The following CLPTM1 variants were observed in gnomAD, a reference collection of about 807,000 sequenced individuals.
The protein encoded by CLPTM1 is putative lipid scramblase CLPTM1.
A neutral mutation model predicts 77.3 loss-of-function variants in CLPTM1; 21 were observed. That is an observed-to-expected ratio of 0.27 (90% CI 0.19 to 0.39). The LOEUF (loss-of-function observed/expected upper bound fraction) is 0.39, where lower values mean the gene tolerates loss of function less well. CLPTM1 is among the 10% of genes least tolerant of loss of function. CLPTM1 has a pLI of 1.00. For synonymous variants in CLPTM1, 373 were observed against 381.0 expected (o/e 0.98, Z 0.24); for missense variants, 642 against 921.2 (o/e 0.70, Z 3.92).
At chr19:44,987,863 C>T (rs975288109) in intron 8 of CLPTM1, 4 of 601,446 alleles carry the variant, frequency 6.7e-6, no homozygotes, top group African/African-American at 5.6e-5. Flanking sequence ...ACTCCCTTGG[C>T]CTCTGCCTCT....
rs776982525 is a variant in CLPTM1 at position 44,991,373 on chromosome 19, G to A, written c.1555G>A (p.Gly519Ser). The change falls in exon 12 of 14, where the codon GGC becomes AGC. Residue 519 changes from glycine to serine, a missense_variant and splice_region_variant. Physicochemically the swap from Gly to Ser is moderately conservative, Grantham distance 56 (BLOSUM62 0). This residue lies in a region of CLPTM1 where 521 missense variants were observed against 800.4 expected (regional missense o/e 0.65). Coordinates refer to ENST00000337392, the MANE Select transcript of CLPTM1 (RefSeq NM_001294.4). The surrounding 1 kb of genome is among the most constrained non-coding windows in gnomAD (Gnocchi z 5.4). The stretch of plus-strand genomic sequence containing the variant: ...GCTCTACGGCTTCCTGCTGACCTTC[G>A]GTGAGCGGTCCGGCCGCCCCAGGAG... ...SMLYGFLLTF[G>S]FITMTPQLFI... 92 of 1,611,526 alleles carry A rather than the reference G, an allele frequency of 5.7e-5. No individual in the cohort carries two copies. Among genetic ancestry groups the A allele is most frequent in the Middle Eastern group, 1.7e-4 (1 of 5,808 alleles).
In CLPTM1 at chr19:44,987,286, C is replaced by T. The variant is rs767587118; in HGVS notation, c.901C>T (p.Leu301=). The change falls in exon 8 of 14, where the codon CTG becomes TTG. Residue 301 remains leucine, a synonymous_variant. Coordinates refer to ENST00000337392, the MANE Select transcript of CLPTM1 (RefSeq NM_001294.4). ...CCCCATCAACGAGAGCCTGGCCAGC[C>T]TGCCGCTCCGCGTCTCCTTCTGCCC... is the stretch of plus-strand genomic sequence containing the variant. The part of the protein sequence containing the change: ...YYPINESLAS[L]PLRVSFCPLS... 5 of 1,614,288 alleles carry T rather than the reference C, an allele frequency of 3.1e-6. No homozygotes were observed. Among genetic ancestry groups the T allele is most frequent in the Middle Eastern group, 1.6e-4 (1 of 6,062 alleles).
At chr19:44,976,156 G>C (rs924483158) in intron 4 of CLPTM1, among the ~76,000 whole-genome samples, 1 of 152,114 alleles carries the variant, frequency 6.6e-6, no homozygotes, top group Non-Finnish European at 1.5e-5. Context: ...CACCTGGCTG[G>C]ACTTTCTGAC....
intron 5 of CLPTM1, among the ~76,000 whole-genome samples, chr19:44,978,005 G>T (rs1014194079): frequency 6.6e-6 from 1 of 152,178 alleles, no homozygotes; most frequent in Non-Finnish European, 1.5e-5. Context: ...AGCTGCTCAG[G>T]AGGCTGAGGT....
chr19:44,961,736 A>G (rs1970546458), intron 1 of CLPTM1, among the ~76,000 whole-genome samples: 2 of 152,174 alleles, frequency 1.3e-5, no homozygotes, highest in South Asian at 4.1e-4. Context: ...GGACAGCAAA[A>G]GACTCTCTAG....
chr19:44,977,535 G>T, intron 5 of CLPTM1, 75 bp downstream of exon 5: 1 of 1,148,542 alleles, frequency 8.7e-7, no homozygotes. Context: ...CTAATGTGGC[G>T]GACAAATCCC....
At chr19:44,985,132 G>A (rs1970957558) in intron 5 of CLPTM1, 86 bp from the exon 6 acceptor site, 11 of 892,802 alleles carry the variant, frequency 1.2e-5, no homozygotes, top group Admixed American at 7.8e-5. Context: ...ACCGTGAGCC[G>A]TTGCTGGTGG....
intron 3 of CLPTM1, among the ~76,000 whole-genome samples, chr19:44,973,412 A>T (rs538613262): frequency 6.6e-6 from 1 of 152,286 alleles, no homozygotes; most frequent in Admixed American, 6.5e-5. Flanking sequence ...AGCACATAAA[A>T]CCTGTGTCAC....
At chr19:44,978,967 C>T (rs1970849092) in intron 5 of CLPTM1, among the ~76,000 whole-genome samples, 1 of 146,538 alleles carries the variant, frequency 6.8e-6, no homozygotes, top group Non-Finnish European at 1.5e-5. Flanking sequence ...TGTCATCTTT[C>T]TGCTTGCCTG....
chr19:44,973,790 G>A (rs1394398644), intron 3 of CLPTM1, among the ~76,000 whole-genome samples: 4 of 123,732 alleles, frequency 3.2e-5, no homozygotes, highest in Non-Finnish European at 6.4e-5. Flanking sequence ...TTGAGATGGA[G>A]TCTCACTCTG....
At chr19:44,968,700 G>A (rs1970672222) in intron 2 of CLPTM1, among the ~76,000 whole-genome samples, 1 of 152,144 alleles carries the variant, frequency 6.6e-6, no homozygotes, top group African/African-American at 2.4e-5. Context: ...TTATACATGG[G>A]GATCTAGAAG....
At chr19:44,960,066 C>G (rs1970521109) in intron 1 of CLPTM1, among the ~76,000 whole-genome samples, 1 of 152,186 alleles carries the variant, frequency 6.6e-6, no homozygotes, top group Non-Finnish European at 1.5e-5. Context: ...CCCTAAATTT[C>G]CCAATAGCTA....
intron 2 of CLPTM1, among the ~76,000 whole-genome samples, chr19:44,970,923 T>G (rs913803915): frequency 6.9e-6 from 1 of 145,602 alleles, no homozygotes; most frequent in Non-Finnish European, 1.5e-5. Context: ...CTCCTTCTCC[T>G]GGGTTCAAGC....
chr19:44,985,050 A>G (rs1459319242), intron 5 of CLPTM1, among the ~76,000 whole-genome samples, 168 bp from the exon 6 acceptor site: 1 of 152,060 alleles, frequency 6.6e-6, no homozygotes, highest in Admixed American at 6.5e-5. Context: ...ATTCGTTGAG[A>G]TTTGGGGAGG....
chr19:44,962,138 A>G (rs1174639541), intron 2 of CLPTM1, 63 bp downstream of exon 2: 2 of 1,049,970 alleles, frequency 1.9e-6, no homozygotes, highest in Admixed American at 2.5e-5. Context: ...GGAAGAAAGG[A>G]AAAGTCAGCT....
At chr19:44,971,619 C>T (rs11669609) in intron 2 of CLPTM1, among the ~76,000 whole-genome samples, 42,372 of 151,922 alleles carry the variant, frequency 0.28, 6,208 homozygotes, top group East Asian at 0.47. Context: ...AGTGCAGTGG[C>T]GCAATCACGT....
intron 2 of CLPTM1, among the ~76,000 whole-genome samples, chr19:44,968,929 C>T (rs1382419358): frequency 6.6e-6 from 1 of 152,122 alleles, no homozygotes; most frequent in Non-Finnish European, 1.5e-5. Flanking sequence ...GACCGTGGCC[C>T]CTAAGACCCT....
chr19:44,955,273 C>A, upstream of CLPTM1: 1 of 1,460,366 alleles, frequency 6.8e-7, no homozygotes, highest in Non-Finnish European at 9.0e-7. Flanking sequence ...GGCGTGGCTG[C>A]GGCACTCTTG....
intron 5 of CLPTM1, among the ~76,000 whole-genome samples, chr19:44,981,224 A>G (rs562157944): frequency 9.9e-5 from 15 of 152,074 alleles, no homozygotes; most frequent in African/African-American, 1.9e-4. Context: ...GGCTCGCCAC[A>G]GCCTCCACCT....
Sources: allele counts gnomAD v4.1 joint callset (sites outside exome capture counted in the v4.1 genomes callset), GRCh38; gene constraint gnomAD v4.1.1; regional missense constraint gnomAD v4.1.1; non-coding constraint Gnocchi (gnomAD v3.1); transcripts MANE v1.5; gene names NCBI Gene and HGNC (gene_info 2026-07-23, HGNC 2026-07-21).